Variants in L2HGDH observed in about 807,000 individuals in gnomAD.
The protein encoded by L2HGDH is L-2-hydroxyglutarate dehydrogenase.
Under a neutral mutation model 51.5 loss-of-function variants are expected in L2HGDH, and 34 were observed. That is an observed-to-expected ratio of 0.66 (90% confidence interval 0.50 to 0.88). The LOEUF (loss-of-function observed/expected upper bound fraction) is 0.88, where lower values mean the gene tolerates loss of function less well. L2HGDH is among the 40% of genes least tolerant of loss of function. The pLI, the probability that L2HGDH is intolerant of heterozygous loss-of-function variation, is 0.00. For missense variants in L2HGDH, 558 were observed against 571.9 expected (o/e 0.98, Z 0.25); for synonymous variants, 198 against 197.9 (o/e 1.00, Z -0.01).
chr14:50,304,472 C>A (rs528128695), intron 1 of L2HGDH, among the ~76,000 whole-genome samples: 1 of 152,278 alleles, frequency 6.6e-6, no homozygotes, highest in Non-Finnish European at 1.5e-5. Flanking sequence ...AACCTTGGGG[C>A]AATAATTGGT....
intron 5 of L2HGDH, among the ~76,000 whole-genome samples, chr14:50,280,286 C>A (rs1435227092): frequency 6.6e-6 from 1 of 151,522 alleles, no homozygotes; most frequent in Non-Finnish European, 1.5e-5. Flanking sequence ...CCTGCCTCAG[C>A]CTCCTGAGTA....
chr14:50,256,061 A>G (rs753034989), intron 9 of L2HGDH, among the ~76,000 whole-genome samples: 1 of 152,126 alleles, frequency 6.6e-6, no homozygotes, highest in Admixed American at 6.6e-5. Flanking sequence ...AACTAAATAC[A>G]TACATTCATG....
At chr14:50,259,190 T>C (rs1389111505) in intron 9 of L2HGDH, among the ~76,000 whole-genome samples, 8 of 151,502 alleles carry the variant, frequency 5.3e-5, no homozygotes, top group Middle Eastern at 3.2e-3. Flanking sequence ...CTTGCTAAGC[T>C]GGATTAAAAC....
At chr14:50,286,803 G>C (rs764439366) in intron 4 of L2HGDH, among the ~76,000 whole-genome samples, 1 of 152,120 alleles carries the variant, frequency 6.6e-6, no homozygotes, top group Non-Finnish European at 1.5e-5. Flanking sequence ...TGTCTCTGAG[G>C]CTTTCTTAAA....
intron 9 of L2HGDH, 113 bp from the exon 10 acceptor site, chr14:50,247,366 A>G (rs1888069268): frequency 6.7e-7 from 1 of 1,492,012 alleles, no homozygotes; most frequent in Admixed American, 2.1e-5. Flanking sequence ...GCACAATTAT[A>G]TGGAAACCCA....
chr14:50,309,803 C>T (rs1477452092), intron 1 of L2HGDH, among the ~76,000 whole-genome samples: 1 of 151,840 alleles, frequency 6.6e-6, no homozygotes, highest in African/African-American at 2.4e-5. Context: ...CTGCCTCAGC[C>T]CCACAAGTGG....
At chr14:50,263,005 A>G (rs1158232960) in intron 9 of L2HGDH, among the ~76,000 whole-genome samples, 3 of 152,358 alleles carry the variant, frequency 2.0e-5, no homozygotes, top group Non-Finnish European at 4.4e-5. Flanking sequence ...TTACACCCAG[A>G]GACAGGAGAG....
At position 50,246,779 on chromosome 14, in the gene L2HGDH, T is replaced by TG. The variant is rs1295183983; in HGVS notation, c.*278dup. 7 of 331,138 alleles carry TG rather than the reference T, an allele frequency of 2.1e-5. No individual in the cohort carries two copies. Among genetic ancestry groups the TG allele is most frequent in the Non-Finnish European group, 3.3e-5 (6 of 181,068 alleles). The allele number at this position is 331,138 out of a possible 1,614,324, so 20.5% of individuals were successfully genotyped here. ...CTCTGTCACCCAGGCTGGAGTGCAG[T>TG]GGTGCAATCTCAGCTCTCAGCTCAC... is the stretch of plus-strand genomic sequence containing the variant. On this transcript the variant is annotated 3_prime_UTR_variant, in exon 10 of 10. Coordinates refer to ENST00000267436, the MANE Select transcript of L2HGDH (RefSeq NM_024884.3).
intron 9 of L2HGDH, among the ~76,000 whole-genome samples, chr14:50,253,562 G>A (rs983519243): frequency 2.0e-4 from 31 of 152,032 alleles, no homozygotes; most frequent in East Asian, 1.3e-3. Context: ...ATGGAGAAAT[G>A]GGAAACCTCA....
chr14:50,284,046 T>A lies in L2HGDH; in HGVS notation c.541-13A>T. The A allele has an allele frequency of 6.2e-7, 1 of 1,609,134 alleles. No individual in the cohort carries two copies. Among genetic ancestry groups the A allele is most frequent in the Non-Finnish European group, 8.5e-7 (1 of 1,175,650 alleles). ...TAGCCATTAGACCCTGAAACAGAAT[T>A]ATGAAAAGATAACAGATAAGAGAAA... On this transcript the variant is annotated splice_polypyrimidine_tract_variant and intron_variant, in intron 4 of 9. Coordinates refer to ENST00000267436, the MANE Select transcript of L2HGDH (RefSeq NM_024884.3).
chr14:50,255,359 C>T (rs1052053393), intron 9 of L2HGDH, among the ~76,000 whole-genome samples: 1 of 151,298 alleles, frequency 6.6e-6, no homozygotes, highest in Non-Finnish European at 1.5e-5. Context: ...ATATGGCAAA[C>T]CCCCGTCTCT....
intron 9 of L2HGDH, among the ~76,000 whole-genome samples, chr14:50,248,830 A>G (rs1378358687): frequency 5.3e-5 from 8 of 152,238 alleles, no homozygotes; most frequent in African/African-American, 1.7e-4. Flanking sequence ...CACCGTCACA[A>G]GAACCAAAAA....
At chr14:50,261,115 T>TA (rs550735275) in intron 9 of L2HGDH, among the ~76,000 whole-genome samples, 4,747 of 142,558 alleles carry the variant, frequency 0.033, 233 homozygotes, top group African/African-American at 0.11. Flanking sequence ...AGACTCCGTC[T>TA]AAAAAAAAAA....
At chr14:50,248,273 T>G (rs1046180435) in intron 9 of L2HGDH, among the ~76,000 whole-genome samples, 3 of 152,306 alleles carry the variant, frequency 2.0e-5, no homozygotes, top group Non-Finnish European at 4.4e-5. Flanking sequence ...AAATTCTATC[T>G]TATACACACC....
chr14:50,296,646 G>A (rs1308555402), intron 3 of L2HGDH, among the ~76,000 whole-genome samples: 2 of 134,156 alleles, frequency 1.5e-5, no homozygotes, highest in African/African-American at 5.5e-5. Context: ...AATGCTACCA[G>A]ATGTTAAAAA....
At chr14:50,274,266 C>A (rs1378586890) in intron 6 of L2HGDH, among the ~76,000 whole-genome samples, 4 of 135,194 alleles carry the variant, frequency 3.0e-5, no homozygotes, top group Non-Finnish European at 1.6e-5. Context: ...GTGACAGAGA[C>A]CCTGTCTCAA....
chr14:50,285,401 A>G (rs1890514499), intron 4 of L2HGDH, among the ~76,000 whole-genome samples: 1 of 152,210 alleles, frequency 6.6e-6, no homozygotes, highest in Non-Finnish European at 1.5e-5. Flanking sequence ...TGACAGTCTC[A>G]TTTCTAGAAT....
chr14:50,248,199 C>G (rs920153518), intron 9 of L2HGDH, among the ~76,000 whole-genome samples: 1 of 152,068 alleles, frequency 6.6e-6, no homozygotes, highest in Non-Finnish European at 1.5e-5. Flanking sequence ...AAATTTGAAT[C>G]CAATGTTTTT....
Position 50,269,145 on chromosome 14 carries a change from G to C in L2HGDH, c.906+18C>G, listed in dbSNP as rs754741568. On this transcript the variant is annotated intron_variant, in intron 7 of 9. Transcript: ENST00000267436. ...ACCTGCTTGAAAAAAATGAGAAGTA[G>C]GAAGCATCATTACCTACCGGATAAA... 1 of 1,574,898 alleles carries C rather than the reference G, an allele frequency of 6.3e-7. No homozygotes were observed. Among genetic ancestry groups the C allele is most frequent in the East Asian group, 2.3e-5 (1 of 44,388 alleles).
Sources: gnomAD v4.1 joint callset for allele counts (sites outside exome capture counted in the v4.1 genomes callset) on GRCh38, gnomAD v4.1.1 for gene constraint, MANE v1.5 for transcripts, NCBI Gene and HGNC (gene_info 2026-07-23, HGNC 2026-07-21) for gene names.